The following TRIP12 variants were observed in gnomAD, a reference collection of about 807,000 sequenced individuals.
The protein encoded by TRIP12 is thyroid hormone receptor interactor 12.
TRIP12 carries 25 observed loss-of-function variants against 244.2 expected under a neutral mutation model. The ratio of observed to expected loss-of-function variants is 0.10; its 90% CI spans 0.07 to 0.14. TRIP12 has a LOEUF of 0.14. Ranked by LOEUF, TRIP12 falls within the 10% of genes least tolerant of loss-of-function variation. The pLI is 1.00. For synonymous variants in TRIP12, 905 were observed against 873.1 expected, an observed-to-expected ratio of 1.04 and a Z score of -0.64; for missense variants, 1,677 against 2,486.4, an observed-to-expected ratio of 0.67 and a Z score of 6.92.
At chr2:229,847,607 G>A (rs1389032774) in intron 4 of TRIP12, among the ~76,000 whole-genome samples, 2 of 152,186 alleles carry the variant, frequency 1.3e-5, no homozygotes, top group East Asian at 3.9e-4. Flanking sequence ...AATGCACTGG[G>A]AAGTCCAGAA....
intron 23 of TRIP12, among the ~76,000 whole-genome samples, 160 bp downstream of exon 23, chr2:229,798,715 A>G (rs1007239227): frequency 6.6e-6 from 1 of 152,254 alleles, no homozygotes; most frequent in Non-Finnish European, 1.5e-5. Flanking sequence ...TGCAGGGTTC[A>G]TAAACTGAGA....
intron 2 of TRIP12, among the ~76,000 whole-genome samples, chr2:229,876,361 G>A (rs1280954658): frequency 7.9e-5 from 12 of 152,254 alleles, no homozygotes; most frequent in Admixed American, 3.3e-4. Flanking sequence ...TTTATTATGA[G>A]CAAAAGAATC....
At chr2:229,817,781 G>A (rs2048873795) in intron 9 of TRIP12, among the ~76,000 whole-genome samples, 1 of 152,076 alleles carries the variant, frequency 6.6e-6, no homozygotes, top group African/African-American at 2.4e-5. Context: ...TTTTAGTAGA[G>A]ATGGGGTTTC....
chr2:229,788,733 CA>C, intron 32 of TRIP12, 64 bp downstream of exon 32: 1 of 1,562,968 alleles, frequency 6.4e-7, no homozygotes, highest in East Asian at 2.3e-5. Flanking sequence ...GTTTCTGTAA[CA>C]AAATACATCA....
chr2:229,896,574 T>C (rs1480213718), intron 1 of TRIP12, among the ~76,000 whole-genome samples: 1 of 152,034 alleles, frequency 6.6e-6, no homozygotes, highest in African/African-American at 2.4e-5. Context: ...ATGGCGCCAC[T>C]GCACTCCACC....
intron 1 of TRIP12, among the ~76,000 whole-genome samples, chr2:229,886,709 C>G (rs886977598): frequency 5.9e-5 from 9 of 152,264 alleles, no homozygotes; most frequent in Admixed American, 3.9e-4. Flanking sequence ...TCAAGTGATC[C>G]ACCCTCCTTG....
At chr2:229,805,033 G>C (rs1460643901) in intron 18 of TRIP12, among the ~76,000 whole-genome samples, 1 of 152,086 alleles carries the variant, frequency 6.6e-6, no homozygotes, top group African/African-American at 2.4e-5. Flanking sequence ...AGCCTCCTGA[G>C]TAGCTGGGAC....
At chr2:229,894,366 T>A (rs951579804) in intron 1 of TRIP12, 2 of 152,160 alleles carry the variant, frequency 1.3e-5, no homozygotes, top group Non-Finnish European at 2.9e-5. Flanking sequence ...TGGCAGCACA[T>A]ACACTAAAAG....
intron 20 of TRIP12, among the ~76,000 whole-genome samples, chr2:229,803,219 T>G (rs1050478937): frequency 1.3e-5 from 2 of 152,200 alleles, no homozygotes; most frequent in African/African-American, 4.8e-5. Context: ...GCTGAGGCAG[T>G]AGGATTGCTT....
Position 229,843,062 on chromosome 2 carries a change from CT to C in TRIP12, c.1028-2136del, listed in dbSNP as rs1270699194. Among the ~76,000 whole-genome samples, 463 of 146,882 alleles carry C rather than the reference CT, an allele frequency of 3.2e-3. 3 individuals carry two copies. The highest frequency in any genetic ancestry group is 0.011 in the African/African-American group (448 of 39,924). On this transcript the variant is annotated intron_variant, in intron 4 of 41. Transcript: ENST00000675903. The stretch of plus-strand genomic sequence containing the variant: ...TCTTATTCTCTCTTTCTCTCTCTCT[CT>C]CCCCCACTCCTTCCCTCCCTCCCTC...
At position 229,767,275 on chromosome 2, in the gene TRIP12, C is replaced by A. The variant is rs552149061; in HGVS notation, c.*279G>T. ...AAACATCCCTTTTTTAAATTTCACA[C>A]AGCAAAGCATGTTAAAAACTTCACT... On this transcript the variant is annotated 3_prime_UTR_variant, in exon 42 of 42. Coordinates refer to ENST00000675903, the MANE Select transcript of TRIP12 (RefSeq NM_001348323.3). 3.2e-6 allele frequency: 1 copy of A among 313,630 alleles called. No homozygotes were observed. Among genetic ancestry groups the A allele is most frequent in the Non-Finnish European group, 5.8e-6 (1 of 173,524 alleles). 19.4% of individuals were successfully genotyped at this position (313,630 alleles called of 1,614,324 possible).
In TRIP12 at chr2:229,880,085, CCT is replaced by C; in HGVS notation, c.-8_-7del. The C allele has an allele frequency of 6.2e-7, 1 of 1,613,884 alleles. No individual in the cohort carries two copies. The highest frequency in any genetic ancestry group is 8.5e-7 in the Non-Finnish European group (1 of 1,179,910). ...TTATTAGGCCGGTTGGACATTGGCA[CCT>C]CTCTCTTGAAGGGACATACCCTTTC... On this transcript the variant is annotated 5_prime_UTR_variant, in exon 2 of 42. Coordinates refer to ENST00000675903, the MANE Select transcript of TRIP12 (RefSeq NM_001348323.3).
chr2:229,891,820 A>G (rs2067432994), intron 1 of TRIP12, among the ~76,000 whole-genome samples: 1 of 152,208 alleles, frequency 6.6e-6, no homozygotes, highest in African/African-American at 2.4e-5. Flanking sequence ...ACTTCTAGGA[A>G]TCTAACCTAA....
intron 4 of TRIP12, among the ~76,000 whole-genome samples, chr2:229,854,591 G>A (rs1332706234): frequency 3.3e-5 from 5 of 152,156 alleles, no homozygotes; most frequent in Admixed American, 6.5e-5. Context: ...GCAGAACTAA[G>A]ATTTGAATCC....
At chr2:229,836,785 C>G in intron 6 of TRIP12, 63 bp downstream of exon 6, 3 of 1,533,254 alleles carry the variant, frequency 2.0e-6, no homozygotes, top group East Asian at 2.6e-5. Flanking sequence ...TACTTCCCTC[C>G]CTCTGCCCAT....
rs57794819 is a variant in TRIP12 at position 229,903,018 on chromosome 2, C to CTTTTTTTT, written c.-50+18854_-50+18861dup. 1.3e-4 allele frequency among the ~76,000 whole-genome samples: 14 copies of CTTTTTTTT among 104,892 alleles called. 2 individuals are homozygous for CTTTTTTTT. Among genetic ancestry groups the CTTTTTTTT allele is most frequent in the African/African-American group, 2.8e-4 (9 of 31,616 alleles). 68.8% of individuals were successfully genotyped at this position (104,892 alleles called of 152,430 possible). On this transcript the variant is annotated intron_variant, in intron 1 of 41. Coordinates refer to ENST00000675903, the MANE Select transcript of TRIP12 (RefSeq NM_001348323.3). The stretch of plus-strand genomic sequence containing the variant: ...GGTTTTTTTTTCTTTTTCTTTTTTT[C>CTTTTTTTT]TTTTTTTTTTTTTTTTTTGCCAGAA...
At chr2:229,881,818 G>A (rs777246426) in intron 1 of TRIP12, among the ~76,000 whole-genome samples, 10 of 152,166 alleles carry the variant, frequency 6.6e-5, no homozygotes, top group Non-Finnish European at 1.3e-4. Flanking sequence ...TACTGTCCAC[G>A]TTAAAAATTC....
chr2:229,783,248 G>T (rs912633146), intron 34 of TRIP12, among the ~76,000 whole-genome samples: 1 of 152,142 alleles, frequency 6.6e-6, no homozygotes, highest in Non-Finnish European at 1.5e-5. Flanking sequence ...GACTATAAAG[G>T]TTCACTGGAA....
Position 229,771,548 on chromosome 2 carries a change from T to C in TRIP12, c.5779A>G (p.Ser1927Gly). ...TCCGGGTAGAAGTACTGAAGATGAC[T>C]GAGTGGGAAGACTGATTCAAATCCA... ...RDGFESVFPLSHLQYFYPEEL... is the reference protein window; with the variant it reads ...RDGFESVFPLGHLQYFYPEEL... The change falls in exon 39 of 42, where the codon AGT becomes GGT. Residue 1927 changes from serine to glycine, a missense_variant. Ser to Gly is a moderately conservative substitution (Grantham distance 56). This residue lies in a region of TRIP12 where 171 missense variants were observed against 388.4 expected (regional missense o/e 0.44). Coordinates refer to ENST00000675903, the MANE Select transcript of TRIP12 (RefSeq NM_001348323.3). 6.2e-7 allele frequency: 1 copy of C among 1,614,050 alleles called. No individual in the cohort carries two copies. Among genetic ancestry groups the C allele is most frequent in the Non-Finnish European group, 8.5e-7 (1 of 1,179,904 alleles).
Sources: allele counts gnomAD v4.1 joint callset (sites outside exome capture counted in the v4.1 genomes callset), GRCh38; gene constraint gnomAD v4.1.1; regional missense constraint gnomAD v4.1.1; transcripts MANE v1.5; gene names NCBI Gene and HGNC (gene_info 2026-07-23, HGNC 2026-07-21).